LLGL2: variants seen among roughly 807,000 people sequenced by gnomAD.
LLGL2 encodes LLGL scribble cell polarity complex component 2, also known as LLGL2, scribble cell polarity complex component.
LLGL2 carries 81 observed loss-of-function variants against 123.2 expected under a neutral mutation model. The observed-to-expected ratio is 0.66, with a 90% CI of 0.55 to 0.79. The LOEUF is 0.79. LLGL2 is among the 30% of genes least tolerant of loss of function. The pLI is 0.00. For synonymous variants in LLGL2, 577 were observed against 594.1 expected (o/e 0.97, Z 0.42); for missense variants, 1,273 against 1,414.6 (o/e 0.90, Z 1.61).
chr17:75,549,042 A>C lies in LLGL2; in HGVS notation c.75+5541A>C, dbSNP rs1202180703. On this transcript the variant is annotated intron_variant, in intron 2 of 25. Coordinates refer to ENST00000392550, the MANE Select transcript of LLGL2 (RefSeq NM_001031803.2). This position sits in a 1 kb window ranked among gnomAD's most constrained non-coding sequence, Gnocchi z 4.0. ...GCTGGAGCTTATCCGGGGCAGGGGC[A>C]CTGGCTGGGGTGAGGATGTCCTGGT... Among the ~76,000 whole-genome samples the C allele has an allele frequency of 6.6e-6, 1 of 152,098 alleles. No individual in the cohort carries two copies. The highest frequency in any genetic ancestry group is 1.5e-5 in the Non-Finnish European group (1 of 68,012).
intron 1 of LLGL2, among the ~76,000 whole-genome samples, chr17:75,531,825 AT>A (rs1328695575): frequency 6.6e-6 from 1 of 152,068 alleles, no homozygotes; most frequent in East Asian, 1.9e-4. Flanking sequence ...CTGGCTTTGA[AT>A]ACTCACCCCT....
Position 75,558,125 on chromosome 17 carries a change from C to T in LLGL2, c.174-30C>T. On this transcript the variant is annotated intron_variant, in intron 3 of 25. Transcript: ENST00000392550. This position sits in a 1 kb window ranked among gnomAD's most constrained non-coding sequence, Gnocchi z 4.0. The stretch of plus-strand genomic sequence containing the variant: ...AGGCAGGCAGGGGATGGTGTCCGAC[C>T]TTCCAGAGCTTTCCTGAGCCTACTC... 1 of 1,609,556 alleles carries T rather than the reference C, an allele frequency of 6.2e-7. No homozygotes were observed.
chr17:75,538,504 T>G (rs1349628167), intron 1 of LLGL2: 1 of 152,128 alleles, frequency 6.6e-6, no homozygotes, highest in Non-Finnish European at 1.5e-5. Flanking sequence ...AGACCTCGCC[T>G]CCTCTGTTCA....
In LLGL2 at chr17:75,543,312, G is replaced by C. The variant is rs1413501433; in HGVS notation, c.-30-85G>C. 7.8e-6 allele frequency: 7 copies of C among 900,162 alleles called. No individual in the cohort carries two copies. The East Asian group carries it at 1.9e-4, about 25-fold the overall frequency. 55.8% of individuals were successfully genotyped at this position (900,162 alleles called of 1,614,324 possible). ...TGGCAGCCTACTGGACTTGGAGAGA[G>C]AGGCCCTGCTCCACCTGTTTGGGCC... On this transcript the variant is annotated intron_variant, in intron 1 of 25. Transcript: ENST00000392550.
chr17:75,553,530 T>C (rs998942739), intron 2 of LLGL2, among the ~76,000 whole-genome samples: 2 of 152,202 alleles, frequency 1.3e-5, no homozygotes, highest in Non-Finnish European at 2.9e-5. Context: ...CTTTGAGGCC[T>C]GGCAGGGCTG....
At chr17:75,545,650 C>T (rs768684459) in intron 2 of LLGL2, among the ~76,000 whole-genome samples, 8 of 152,202 alleles carry the variant, frequency 5.3e-5, no homozygotes, top group Non-Finnish European at 1.0e-4. Flanking sequence ...TGATCTGACC[C>T]TGCGGCTCCA....
At chr17:75,548,236 TGTGG>T (rs2054510942) in intron 2 of LLGL2, among the ~76,000 whole-genome samples, 1 of 152,048 alleles carries the variant, frequency 6.6e-6, no homozygotes, top group Admixed American at 6.5e-5. Context: ...AGCTTTCCTT[TGTGG>T]ATGTAAATTT....
chr17:75,569,839 G>GACA, intron 14 of LLGL2, 124 bp from the exon 15 acceptor site: 2 of 1,002,014 alleles, frequency 2.0e-6, no homozygotes, highest in South Asian at 3.3e-5. Flanking sequence ...GCTGGGGTTG[G>GACA]ACAGAGGCCT....
Position 75,570,070 on chromosome 17 carries a change from C to A in LLGL2, c.1689C>A (p.Arg563=). 1.2e-6 allele frequency: 2 copies of A among 1,612,392 alleles called. No homozygotes were observed. The highest frequency in any genetic ancestry group is 1.3e-5 in the African/African-American group (1 of 75,054). ...QEGYRWKGHE[R]LAARSGPVRF... ...GCTACCGCTGGAAGGGGCACGAGCGCCTGGCAGCCCGCTCAGGGCCCGTGC... is the reference window on the plus strand; with the variant it reads ...GCTACCGCTGGAAGGGGCACGAGCGACTGGCAGCCCGCTCAGGGCCCGTGC... Residue 563 remains arginine, a synonymous_variant, in exon 15 of 26, where the codon CGC becomes CGA. Coordinates refer to ENST00000392550, the MANE Select transcript of LLGL2 (RefSeq NM_001031803.2).
At position 75,564,211 on chromosome 17, in the gene LLGL2, G is replaced by A; in HGVS notation, c.882-142G>A. 1 of 1,444,554 alleles carries A rather than the reference G, an allele frequency of 6.9e-7. No individual in the cohort carries two copies. Among genetic ancestry groups the A allele is most frequent in the Non-Finnish European group, 9.1e-7 (1 of 1,095,624 alleles). 89.5% of individuals were successfully genotyped at this position (1,444,554 alleles called of 1,614,324 possible). On this transcript the variant is annotated intron_variant, in intron 9 of 25. Coordinates refer to ENST00000392550, the MANE Select transcript of LLGL2 (RefSeq NM_001031803.2). The surrounding 1 kb of genome is among the most constrained non-coding windows in gnomAD (Gnocchi z 4.9). ...TCACCTTACCTCCAAGTCCTCCTGG[G>A]CTGTAGCAGTTGGAAGGAGATGGGG... is the stretch of plus-strand genomic sequence containing the variant.
intron 2 of LLGL2, chr17:75,546,142 T>A (rs1598548883): frequency 6.6e-6 from 1 of 152,264 alleles, no homozygotes; most frequent in African/African-American, 2.4e-5. Context: ...GAGGCGGGTG[T>A]GCAGGATGAC....
chr17:75,573,359 G>A lies in LLGL2; in HGVS notation c.2725+81G>A, dbSNP rs975013102. ...GGGTGGCCAGGGGTGTTGTGGCCACGGCCAGACTGGATGGGCCTTAAGCGG... is the reference window on the plus strand; with the variant it reads ...GGGTGGCCAGGGGTGTTGTGGCCACAGCCAGACTGGATGGGCCTTAAGCGG... On this transcript the variant is annotated intron_variant, in intron 20 of 25. Transcript: ENST00000392550. The A allele has an allele frequency of 3.2e-4, 500 of 1,552,396 alleles. 1 individual carries two copies. The highest frequency in any genetic ancestry group is 4.2e-4 in the Non-Finnish European group (479 of 1,141,502).
chr17:75,529,568 T>TA (rs925583410), intron 1 of LLGL2, among the ~76,000 whole-genome samples: 23 of 150,182 alleles, frequency 1.5e-4, no homozygotes, highest in South Asian at 4.3e-4. Context: ...AAACAAAAAA[T>TA]AAAAAAAAAT....
intron 2 of LLGL2, among the ~76,000 whole-genome samples, chr17:75,548,586 G>A (rs1431865573): frequency 6.6e-6 from 1 of 151,908 alleles, no homozygotes; most frequent in East Asian, 1.9e-4. Flanking sequence ...GATCACCTGA[G>A]GTCAGGAGTT....
At chr17:75,555,761 G>C (rs2054881904) in intron 2 of LLGL2, among the ~76,000 whole-genome samples, 1 of 152,200 alleles carries the variant, frequency 6.6e-6, no homozygotes, top group Admixed American at 6.5e-5. Context: ...GGGTGCACGT[G>C]GTGGAGGCAC....
chr17:75,570,058 G>A lies in LLGL2; in HGVS notation c.1677G>A (p.Lys559=), dbSNP rs956893935. The A allele has an allele frequency of 1.9e-6, 3 of 1,612,686 alleles. No homozygotes were observed. Among genetic ancestry groups the A allele is most frequent in the Non-Finnish European group, 1.7e-6 (2 of 1,179,830 alleles). The change falls in exon 15 of 26, where the codon AAG becomes AAA. Residue 559 remains lysine (K), a synonymous_variant. Transcript: ENST00000392550. ...LLQDQEGYRW[K]GHERLAARSG... ...AGGACCAAGAGGGCTACCGCTGGAA[G>A]GGGCACGAGCGCCTGGCAGCCCGCT... is the stretch of plus-strand genomic sequence containing the variant.
At chr17:75,573,830 A>C (rs2055846224) in intron 21 of LLGL2, 122 bp from the exon 22 acceptor site, 1 of 1,311,704 alleles carries the variant, frequency 7.6e-7, no homozygotes, top group South Asian at 1.3e-5. Context: ...GACTCAGTTT[A>C]CCTCCCAGGC....
chr17:75,545,087 C>T (rs2054364655), intron 2 of LLGL2, among the ~76,000 whole-genome samples: 1 of 152,074 alleles, frequency 6.6e-6, no homozygotes, highest in Non-Finnish European at 1.5e-5. Flanking sequence ...ACCTGACAGG[C>T]TCAGCAAATA....
At position 75,575,104 on chromosome 17, in the gene LLGL2, A is replaced by G; in HGVS notation, c.*226A>G. The G allele has an allele frequency of 1.6e-6, 1 of 609,150 alleles. No individual in the cohort carries two copies. 37.7% of individuals were successfully genotyped at this position (609,150 alleles called of 1,614,324 possible). A position where few individuals can be genotyped will look rare whatever the true frequency, so the allele number is the denominator to read the frequency against. On this transcript the variant is annotated 3_prime_UTR_variant, in exon 26 of 26. Transcript: ENST00000392550. ...CTGGGTCCTTTGGTCAATGTTGCAC[A>G]GTTTTTATTGCTCCCATCCCTTTTT...
Sources: allele counts gnomAD v4.1 joint callset (sites outside exome capture counted in the v4.1 genomes callset), GRCh38; gene constraint gnomAD v4.1.1; non-coding constraint Gnocchi (gnomAD v3.1); transcripts MANE v1.5; gene names NCBI Gene and HGNC (gene_info 2026-07-23, HGNC 2026-07-21).